Variants in ZNHIT3 observed in about 807,000 individuals in gnomAD.
The protein encoded by ZNHIT3 is zinc finger HIT-type containing 3.
In ZNHIT3, 27 loss-of-function variants were observed where a neutral mutation model predicts 19.9. The observed-to-expected ratio is 1.36, with a 90% CI of 1.00 to 1.87. The LOEUF (loss-of-function observed/expected upper bound fraction) is 1.87. Among genes scored for constraint, ZNHIT3 ranks in the 40% most tolerant of loss-of-function variants. The pLI is 0.00. For synonymous variants in ZNHIT3, 81 were observed against 65.7 expected, an observed-to-expected ratio of 1.23 and a Z score of -1.13; for missense variants, 215 against 185.6, an observed-to-expected ratio of 1.16 and a Z score of -0.92.
chr17:36,493,296 C>G (rs2142537908), intron 3 of ZNHIT3: 1 of 236,776 alleles, frequency 4.2e-6, no homozygotes, highest in African/African-American at 2.3e-5. Context: ...CTCGCTGCTG[C>G]TGGGGGTTCA....
At chr17:36,497,487 A>G (rs79359193), downstream of ZNHIT3, 246 of 964,954 alleles carry the variant, frequency 2.5e-4, 2 homozygotes, top group African/African-American at 4.0e-3. Context: ...ATGTGGGACT[A>G]ATTAGATTAT....
intron 4 of ZNHIT3, 39 bp downstream of exon 4, chr17:36,494,045 T>G (rs1240102707): frequency 6.7e-7 from 1 of 1,482,768 alleles, no homozygotes; most frequent in African/African-American, 1.4e-5. Context: ...TGAGATACAT[T>G]TACTGTGTTG....
intron 3 of ZNHIT3, 42 bp downstream of exon 3, chr17:36,492,941 A>C (rs747570251): frequency 1.3e-6 from 2 of 1,578,020 alleles, no homozygotes; most frequent in Admixed American, 1.7e-5. Flanking sequence ...GGGACTTCAC[A>C]TAGAATAAGT....
downstream of ZNHIT3, among the ~76,000 whole-genome samples, chr17:36,497,396 C>G (rs1380813056): frequency 1.3e-5 from 2 of 151,230 alleles, no homozygotes; most frequent in African/African-American, 4.9e-5. Flanking sequence ...AAGGAAAAAA[C>G]CAAGCAATAC....
At chr17:36,489,236 T>A (rs777506927) in intron 2 of ZNHIT3, 3 of 152,238 alleles carry the variant, frequency 2.0e-5, no homozygotes, top group Admixed American at 1.3e-4. Context: ...TTGGCTGTTG[T>A]GACTAGCAGT....
intron 2 of ZNHIT3, among the ~76,000 whole-genome samples, chr17:36,488,571 A>G (rs2070644995): frequency 6.6e-6 from 1 of 152,094 alleles, no homozygotes; most frequent in Admixed American, 6.5e-5. Flanking sequence ...ATTAAAAATA[A>G]AGACTAGTGC....
chr17:36,495,193 A>C, intron 4 of ZNHIT3, 30 bp from the exon 5 acceptor site: 1 of 1,542,506 alleles, frequency 6.5e-7, no homozygotes, highest in Non-Finnish European at 8.7e-7. Context: ...ACTTGAACTC[A>C]GACTGGCTTT....
At chr17:36,494,575 T>A (rs2070830168) in intron 4 of ZNHIT3, among the ~76,000 whole-genome samples, 1 of 152,244 alleles carries the variant, frequency 6.6e-6, no homozygotes, top group Non-Finnish European at 1.5e-5. Context: ...GTTAATTTCA[T>A]TCTTCCCATT....
chr17:36,497,484 A>C, downstream of ZNHIT3: 20 of 933,580 alleles, frequency 2.1e-5, no homozygotes, highest in South Asian at 4.9e-5. Flanking sequence ...GTGATGTGGG[A>C]CTAATTAGAT....
rs1752153483 is a variant in ZNHIT3, at chr17:36,487,504, AGT to A, written c.118+540_118+541del. ...ACACACTTTTGTACAGTTAAAAAGA[AGT>A]GACCTGGCCGGGCGCGGTGGCTCAC... On this transcript the variant is annotated intron_variant, in intron 2 of 4. Coordinates refer to ENST00000617429, the MANE Select transcript of ZNHIT3 (RefSeq NM_004773.4). Among the ~76,000 whole-genome samples the A allele has an allele frequency of 5.3e-5, 8 of 152,372 alleles. No homozygotes were observed. In the South Asian group the frequency reaches 1.7e-3, roughly 32 times the overall value.
chr17:36,492,841 T>TGAGAAAAAAATAA lies in ZNHIT3; in HGVS notation c.150_162dup (p.Ser55GlufsTer20). 6.2e-7 allele frequency: 1 copy of TGAGAAAAAAATAA among 1,614,052 alleles called. No individual in the cohort carries two copies. The highest frequency in any genetic ancestry group is 8.5e-7 in the Non-Finnish European group (1 of 1,179,970). The stretch of plus-strand genomic sequence containing the variant: ...AGTGCAACCCTGAAACTCGTCCTGT[T>TGAGAAAAAAATAA]GAGAAAAAAATAAGATCAGCTCTTC... On this transcript the variant is annotated frameshift_variant, in exon 3 of 5. Transcript: ENST00000617429. LOFTEE classifies it high-confidence loss of function.
chr17:36,495,877 A>G (rs537553174), downstream of ZNHIT3: 12 of 1,238,974 alleles, frequency 9.7e-6, no homozygotes, highest in African/African-American at 1.9e-4. Context: ...CCCAAATTCC[A>G]GCGCCAATTT....
At chr17:36,498,506 G>A (rs776436141), downstream of ZNHIT3, 4 of 1,614,070 alleles carry the variant, frequency 2.5e-6, no homozygotes, top group Admixed American at 6.7e-5. Flanking sequence ...CTTGAGAGAA[G>A]TGTTTTTCTT....
chr17:36,492,999 G>A (rs180874277), intron 3 of ZNHIT3, 100 bp downstream of exon 3: 83 of 1,095,668 alleles, frequency 7.6e-5, no homozygotes, highest in Admixed American at 1.8e-4. Flanking sequence ...CAGAACAATA[G>A]CTTCATTGGG....
At chr17:36,489,368 A>G (rs1230454543) in intron 2 of ZNHIT3, 2 of 152,112 alleles carry the variant, frequency 1.3e-5, no homozygotes, top group African/African-American at 4.8e-5. Flanking sequence ...AGGAACCTCT[A>G]TGCTGTTTTC....
At chr17:36,497,230 C>T (rs1022838537), downstream of ZNHIT3, among the ~76,000 whole-genome samples, 1 of 151,112 alleles carries the variant, frequency 6.6e-6, no homozygotes, top group Non-Finnish European at 1.5e-5. Context: ...CCCAGCTATT[C>T]GGGAGGCTGA....
Position 36,495,256 on chromosome 17 carries a change from A to G in ZNHIT3, c.320A>G (p.Asn107Ser), listed in dbSNP as rs200872607. 1.6e-5 allele frequency: 25 copies of G among 1,607,884 alleles called. No homozygotes were observed. Among genetic ancestry groups the G allele is most frequent in the African/African-American group, 1.5e-4 (11 of 74,562 alleles). The change falls in exon 5 of 5, where the codon AAT becomes AGT. Residue 107 changes from asparagine (N) to serine (S), a missense_variant. Coordinates refer to ENST00000617429, the MANE Select transcript of ZNHIT3 (RefSeq NM_004773.4). ...ESATLRSLLL[N>S]PHLRQLMVNL... ...GCAACATTAAGAAGCTTATTGCTCA[A>G]TCCACACCTCAGGCAGTTGATGGTC...
chr17:36,493,831 G>T (rs183386055), intron 3 of ZNHIT3, 95 bp from the exon 4 acceptor site: 3 of 833,986 alleles, frequency 3.6e-6, no homozygotes, highest in African/African-American at 3.4e-5. Flanking sequence ...TCACATGTGC[G>T]TGCACACATT....
downstream of ZNHIT3, chr17:36,499,233 C>G: frequency 9.6e-7 from 1 of 1,040,838 alleles, no homozygotes; most frequent in Non-Finnish European, 1.4e-6. Context: ...CTCGCTGCAG[C>G]AGCACCACAG....
Sources: gnomAD v4.1 joint callset for allele counts (sites outside exome capture counted in the v4.1 genomes callset) on GRCh38, gnomAD v4.1.1 for gene constraint, MANE v1.5 for transcripts, NCBI Gene and HGNC (gene_info 2026-07-23, HGNC 2026-07-21) for gene names.